The following DPP10 variants were observed in gnomAD, a reference collection of about 807,000 sequenced individuals.
DPP10 encodes inactive dipeptidyl peptidase 10.
In DPP10, 33 loss-of-function variants were observed where a neutral mutation model predicts 120.9. The observed-to-expected ratio is 0.27, with a 90% CI of 0.21 to 0.37. The LOEUF (loss-of-function observed/expected upper bound fraction) is 0.37. Among genes scored for constraint, DPP10 ranks in the 10% least tolerant of loss-of-function variants. The probability of loss-of-function intolerance (pLI) is 1.00; values close to 1 mark genes in which losing one functional copy is unlikely to be tolerated. For missense variants in DPP10, 816 were observed against 942.8 expected (o/e 0.87, Z 1.76); for synonymous variants, 337 against 326.1 (o/e 1.03, Z -0.36).
chr2:115,209,710 T>C (rs756579699), intron 1 of DPP10, among the ~76,000 whole-genome samples: 6 of 152,144 alleles, frequency 3.9e-5, no homozygotes, highest in Middle Eastern at 3.2e-3. Flanking sequence ...AAAAAAAATA[T>C]TTAACTCGAT....
chr2:114,928,936 G>C (rs1365377085), intron 1 of DPP10, among the ~76,000 whole-genome samples: 2 of 152,142 alleles, frequency 1.3e-5, no homozygotes, highest in African/African-American at 2.4e-5. Context: ...GCTATCGGGG[G>C]AACCAGCCCC....
At chr2:114,606,026 A>G (rs1484164663) in intron 1 of DPP10, among the ~76,000 whole-genome samples, 1 of 152,130 alleles carries the variant, frequency 6.6e-6, no homozygotes, top group Non-Finnish European at 1.5e-5. Flanking sequence ...AGTATCTCCC[A>G]AATGTTGAAA....
chr2:114,853,325 T>A (rs888274257), intron 1 of DPP10, among the ~76,000 whole-genome samples: 2 of 152,170 alleles, frequency 1.3e-5, no homozygotes, highest in Admixed American at 6.5e-5. Flanking sequence ...TAATTTTTTT[T>A]ATAAGTAAAG....
At chr2:114,791,403 G>T (rs1239991669) in intron 1 of DPP10, among the ~76,000 whole-genome samples, 5 of 152,182 alleles carry the variant, frequency 3.3e-5, no homozygotes, top group Admixed American at 2.0e-4. Flanking sequence ...AGAGGAAATA[G>T]TGCTTTGATT....
At chr2:114,717,990 T>C (rs765915905) in intron 1 of DPP10, among the ~76,000 whole-genome samples, 1 of 152,300 alleles carries the variant, frequency 6.6e-6, no homozygotes, top group Non-Finnish European at 1.5e-5. Context: ...TTATTACTAT[T>C]CTGATACATA....
intron 1 of DPP10, among the ~76,000 whole-genome samples, chr2:115,123,246 G>A (rs1014696544): frequency 6.6e-6 from 1 of 152,140 alleles, no homozygotes; most frequent in Non-Finnish European, 1.5e-5. Flanking sequence ...GGAATGAAAG[G>A]AAGTCAAGTA....
chr2:115,595,610 C>A (rs897920511), intron 5 of DPP10, among the ~76,000 whole-genome samples: 1 of 151,956 alleles, frequency 6.6e-6, no homozygotes, highest in African/African-American at 2.4e-5. Flanking sequence ...TAAATTTTAG[C>A]CAACTTGATC....
chr2:115,275,883 G>C (rs2059900320), intron 1 of DPP10, among the ~76,000 whole-genome samples: 1 of 151,426 alleles, frequency 6.6e-6, no homozygotes, highest in African/African-American at 2.4e-5. Flanking sequence ...TGTATTTTTT[G>C]GTGGAGACGG....
chr2:114,841,743 C>T (rs1688176143), intron 1 of DPP10, among the ~76,000 whole-genome samples: 1 of 152,004 alleles, frequency 6.6e-6, no homozygotes, highest in South Asian at 2.1e-4. Context: ...TTACCCAGCA[C>T]AGGATGGGGA....
intron 3 of DPP10, among the ~76,000 whole-genome samples, chr2:115,384,041 A>G (rs920682754): frequency 2.0e-5 from 3 of 152,226 alleles, no homozygotes; most frequent in East Asian, 1.9e-4. Flanking sequence ...TCAGAAAACA[A>G]TACCCCAAAG....
chr2:115,721,598 T>C lies in DPP10; in HGVS notation c.577-6218T>C, dbSNP rs993717922. On this transcript the variant is annotated intron_variant, in intron 7 of 25. Coordinates refer to ENST00000410059, the MANE Select transcript of DPP10 (RefSeq NM_020868.6). ...TTCACACCTGTCAAGACAGCTATTA[T>C]AAAAAAAAAAGTGTTGGTAAAAATG... 3.4e-5 allele frequency among the ~76,000 whole-genome samples: 5 copies of C among 148,136 alleles called. No homozygotes were observed. In the Middle Eastern group the frequency reaches 0.01, roughly 306 times the overall value.
chr2:114,507,050 C>CTT (rs1227607834), intron 1 of DPP10, among the ~76,000 whole-genome samples: 18 of 124,762 alleles, frequency 1.4e-4, no homozygotes, highest in African/African-American at 3.2e-4. Flanking sequence ...CTTTTTTTTT[C>CTT]TTTTTTTTTT....
chr2:114,591,830 A>G (rs919836996), intron 1 of DPP10, among the ~76,000 whole-genome samples: 19 of 152,212 alleles, frequency 1.2e-4, no homozygotes, highest in African/African-American at 4.6e-4. Flanking sequence ...TACAGGGGTG[A>G]GCCACTGCAC....
intron 5 of DPP10, among the ~76,000 whole-genome samples, chr2:115,549,137 A>G (rs2079709438): frequency 6.6e-6 from 1 of 152,140 alleles, no homozygotes. Flanking sequence ...CTATGAAATA[A>G]TGGCTTTGTT....
chr2:114,643,541 C>A (rs1250717366), intron 1 of DPP10, among the ~76,000 whole-genome samples: 1 of 151,864 alleles, frequency 6.6e-6, no homozygotes, highest in African/African-American at 2.4e-5. Flanking sequence ...TTCCATAGCT[C>A]CATCTCAAGT....
intron 1 of DPP10, among the ~76,000 whole-genome samples, chr2:115,153,179 T>C (rs577272197): frequency 3.9e-5 from 6 of 152,328 alleles, no homozygotes; most frequent in Non-Finnish European, 8.8e-5. Flanking sequence ...CAGAGGAAGA[T>C]ACTAGTCCTT....
At chr2:115,674,095 C>G (rs910681421) in intron 5 of DPP10, among the ~76,000 whole-genome samples, 1 of 152,010 alleles carries the variant, frequency 6.6e-6, no homozygotes, top group South Asian at 2.1e-4. Context: ...CATGGTGACG[C>G]TTGCCTGTAA....
chr2:115,840,884 C>T (rs2150136969), intron 25 of DPP10, 61 bp downstream of exon 25: 1 of 1,352,554 alleles, frequency 7.4e-7, no homozygotes, highest in South Asian at 1.2e-5. Context: ...GTGAGATACG[C>T]AACACAGCTT....
intron 1 of DPP10, among the ~76,000 whole-genome samples, chr2:114,644,461 C>G (rs1412524478): frequency 6.6e-6 from 1 of 151,726 alleles, no homozygotes; most frequent in Non-Finnish European, 1.5e-5. Flanking sequence ...AAACTCCTCT[C>G]TCTTGATTAT....
Sources: gnomAD v4.1 joint callset for allele counts (sites outside exome capture counted in the v4.1 genomes callset) on GRCh38, gnomAD v4.1.1 for gene constraint, MANE v1.5 for transcripts, NCBI Gene and HGNC (gene_info 2026-07-23, HGNC 2026-07-21) for gene names.